Variants in AZU1 observed in about 807,000 individuals in gnomAD.
AZU1 encodes azurocidin.
A neutral mutation model predicts 17.8 loss-of-function variants in AZU1; 21 were observed. The observed-to-expected ratio is 1.18, with a 90% CI of 0.84 to 1.70. The LOEUF is 1.70. AZU1 is among the 40% of genes most tolerant of loss of function. The probability of loss-of-function intolerance (pLI) is 0.00; values close to 1 mark genes in which losing one functional copy is unlikely to be tolerated. For synonymous variants in AZU1, 178 were observed against 155.2 expected (o/e 1.15, Z -1.09); for missense variants, 379 against 362.9 (o/e 1.04, Z -0.36).
rs745685036 is a variant in AZU1 at position 829,929 on chromosome 19, AAT to A, written c.360+230_360+231del. ...CATGGCCAAACTCAGTCTCTACAAA[AAT>A]ATATATGTGTGTGTGTGTGTGTGTG... is the stretch of plus-strand genomic sequence containing the variant. On this transcript the variant is annotated intron_variant, in intron 3 of 4. Transcript: ENST00000233997. Among the ~76,000 whole-genome samples the A allele has an allele frequency of 4.3e-3, 567 of 133,244 alleles. 4 individuals are homozygous for A. The highest frequency in any genetic ancestry group is 0.014 in the African/African-American group (465 of 32,552). The allele number at this position is 133,244 out of a possible 152,430, so 87.4% of individuals were successfully genotyped here.
chr19:830,724 A>C lies in AZU1; in HGVS notation c.377A>C (p.Asn126Thr), dbSNP rs151205721. 11 of 1,576,780 alleles carry C rather than the reference A, an allele frequency of 7.0e-6. No individual in the cohort carries two copies. Among genetic ancestry groups the C allele is most frequent in the Non-Finnish European group, 9.4e-6 (11 of 1,165,268 alleles). Residue 126 changes from asparagine to threonine, a missense_variant, in exon 4 of 5, where the codon AAC becomes ACC. Transcript: ENST00000233997. ...LMLLQLDREA[N>T]LTSSVTILPL... is the part of the protein sequence containing the mutation. ...CTTCCCCAGCTGGACCGTGAGGCCA[A>C]CCTCACCAGCAGCGTGACGATACTG...
At chr19:828,197 TGG>T (rs766144640) in intron 1 of AZU1, 31 bp from the exon 2 acceptor site, 1 of 1,564,730 alleles carries the variant, frequency 6.4e-7, no homozygotes, top group Non-Finnish European at 8.6e-7. Flanking sequence ...TGTGGATTCT[TGG>T]GGATCTCAGA....
chr19:831,853 C>A lies in AZU1; in HGVS notation c.732C>A (p.Asn244Lys). 6.2e-7 allele frequency: 1 copy of A among 1,612,540 alleles called. No homozygotes were observed. Among genetic ancestry groups the A allele is most frequent in the East Asian group, 2.2e-5 (1 of 44,862 alleles). ...LFRDWIDGVL[N>K]NPGPGPA Reference sequence around the variant, plus strand: ...GAGACTGGATCGATGGTGTTCTCAACAACCCGGGACCGGGGCCAGCCTAGG... The same window carrying A: ...GAGACTGGATCGATGGTGTTCTCAAAAACCCGGGACCGGGGCCAGCCTAGG... Residue 244 changes from asparagine (N) to lysine (K), a missense_variant, in exon 5 of 5, where the codon AAC becomes AAA. Coordinates refer to ENST00000233997, the MANE Select transcript of AZU1 (RefSeq NM_001700.5).
intron 4 of AZU1, chr19:831,222 A>C (rs924742401): frequency 2.3e-6 from 1 of 440,248 alleles, no homozygotes; most frequent in African/African-American, 2.0e-5. Flanking sequence ...CTGGGATTAC[A>C]GGCATGCGCC....
intron 4 of AZU1, chr19:831,478 T>A: frequency 1.9e-6 from 1 of 531,646 alleles, no homozygotes; most frequent in Non-Finnish European, 3.3e-6. Flanking sequence ...GACTCAGGCG[T>A]GTGATTGCCA....
At chr19:828,479 G>A (rs1599270363) in intron 2 of AZU1, 93 bp downstream of exon 2, 2 of 1,272,278 alleles carry the variant, frequency 1.6e-6, no homozygotes, top group East Asian at 2.8e-5. Flanking sequence ...CTTGGTAGGT[G>A]AGGAGGGGAG....
intron 4 of AZU1, 38 bp downstream of exon 4, chr19:830,979 G>A (rs749238516): frequency 1.9e-6 from 3 of 1,577,044 alleles, no homozygotes; most frequent in Non-Finnish European, 1.7e-6. Flanking sequence ...GGTCCTGAGA[G>A]GTACTGAGCT....
chr19:828,416 G>GTA (rs757611252), intron 2 of AZU1, 30 bp downstream of exon 2: 8 of 1,519,718 alleles, frequency 5.3e-6, no homozygotes, highest in Non-Finnish European at 7.1e-6. Flanking sequence ...GGGCCTAGGG[G>GTA]GCATTGGGGC....
rs2035237027 is a variant in AZU1 at position 828,111 on chromosome 19, G to A, written c.59-119G>A. 1.6e-5 allele frequency: 21 copies of A among 1,338,452 alleles called. No homozygotes were observed. The South Asian group carries it at 2.8e-4, about 18-fold the overall frequency. The allele number at this position is 1,338,452 out of a possible 1,614,324, so 82.9% of individuals were successfully genotyped here. A position where few individuals can be genotyped will look rare whatever the true frequency, so the allele number is the denominator to read the frequency against. On this transcript the variant is annotated intron_variant, in intron 1 of 4. Coordinates refer to ENST00000233997, the MANE Select transcript of AZU1 (RefSeq NM_001700.5). ...TCCTCTTAGGGAGTGGGACGATGGG[G>A]GAGGGTGGGTCCCCCCGCAGCCCCA...
rs761977605 is a variant in AZU1 at position 829,627 on chromosome 19, G to A, written c.281G>A (p.Arg94His). The change falls in exon 3 of 5, where the codon CGC becomes CAC. Residue 94 changes from arginine (R) to histidine (H), a missense_variant. Physicochemically the swap from Arg to His is conservative, Grantham distance 29. Coordinates refer to ENST00000233997, the MANE Select transcript of AZU1 (RefSeq NM_001700.5). Reference sequence around the variant, plus strand: ...CTGAGGCGGCGGGAGAGGCAGTCCCGCCAGACGTTTTCCATCAGCAGCATG... The same window carrying A: ...CTGAGGCGGCGGGAGAGGCAGTCCCACCAGACGTTTTCCATCAGCAGCATG... The part of the protein sequence containing the change: ...YDLRRRERQS[R>H]QTFSISSMSE... The A allele has an allele frequency of 7.4e-6, 12 of 1,613,174 alleles. No homozygotes were observed. Among genetic ancestry groups the A allele is most frequent in the East Asian group, 4.5e-5 (2 of 44,886 alleles).
chr19:830,851 G>T lies in AZU1; in HGVS notation c.504G>T (p.Arg168Ser). 2 of 1,608,512 alleles carry T rather than the reference G, an allele frequency of 1.2e-6. No homozygotes were observed. Among genetic ancestry groups the T allele is most frequent in the Non-Finnish European group, 8.5e-7 (1 of 1,179,968 alleles). ...RSGGRLSRFPRFVNVTVTPED... is the reference protein window; with the variant it reads ...RSGGRLSRFPSFVNVTVTPED... ...GGGGGCGTCTCTCCCGTTTTCCCAG[G>T]TTTGTCAACGTGACTGTGACCCCCG... The change falls in exon 4 of 5, where the codon AGG becomes AGT. Residue 168 changes from arginine to serine, a missense_variant. Coordinates refer to ENST00000233997, the MANE Select transcript of AZU1 (RefSeq NM_001700.5).
Position 828,325 on chromosome 19 carries a change from T to A in AZU1, c.154T>A (p.Cys52Ser). The change falls in exon 2 of 5, where the codon TGC becomes AGC. Residue 52 changes from cysteine to serine, a missense_variant. By Grantham distance (112) the Cys-to-Ser change is moderately radical. Transcript: ENST00000233997. ...ASIQNQGRHF[C>S]GGALIHARFV... The stretch of plus-strand genomic sequence containing the variant: ...CATTCAGAATCAAGGCAGGCACTTC[T>A]GCGGGGGTGCCCTGATCCATGCCCG... The A allele has an allele frequency of 6.2e-6, 10 of 1,610,780 alleles. No individual in the cohort carries two copies. The highest frequency in any genetic ancestry group is 8.5e-6 in the Non-Finnish European group (10 of 1,179,096).
rs59995493 is a variant in AZU1 at position 829,936 on chromosome 19, A to ATGTGTGTGTGTGTGTG, written c.360+254_360+269dup. On this transcript the variant is annotated intron_variant, in intron 3 of 4. Coordinates refer to ENST00000233997, the MANE Select transcript of AZU1 (RefSeq NM_001700.5). ...AAACTCAGTCTCTACAAAAATATATATGTGTGTGTGTGTGTGTGTGTGTGT... is the reference window on the plus strand; with the variant it reads ...AAACTCAGTCTCTACAAAAATATATATGTGTGTGTGTGTGTGTGTGTGTGTGTGTGTGTGTGTGTGT... 2.5e-3 allele frequency among the ~76,000 whole-genome samples: 343 copies of ATGTGTGTGTGTGTGTG among 137,860 alleles called. 3 individuals are homozygous for ATGTGTGTGTGTGTGTG. Among genetic ancestry groups the ATGTGTGTGTGTGTGTG allele is most frequent in the Non-Finnish European group, 3.3e-3 (214 of 64,626 alleles). The allele number at this position is 137,860 out of a possible 152,430, so 90.4% of individuals were successfully genotyped here.
At chr19:828,842 A>G (rs1599270659) in intron 2 of AZU1, among the ~76,000 whole-genome samples, 1 of 125,012 alleles carries the variant, frequency 8.0e-6, no homozygotes, top group African/African-American at 3.1e-5. Context: ...CAGAGAAGGG[A>G]AGGGGCTCAG....
Position 831,776 on chromosome 19 carries a change from C to A in AZU1, c.655C>A (p.Leu219Met), listed in dbSNP as rs149335820. The change falls in exon 5 of 5, where the codon CTG becomes ATG. Residue 219 changes from leucine to methionine, a missense_variant. Transcript: ENST00000233997. ...GGCCCACGGCGTGGCCTCCTTTTCC[C>A]TGGGGCCCTGTGGCCGAGGCCCTGA... ...GLAHGVASFS[L>M]GPCGRGPDFF... 5.4e-5 allele frequency: 87 copies of A among 1,612,656 alleles called. No individual in the cohort carries two copies. The African/African-American group carries it at 1.1e-3, about 20-fold the overall frequency.
At chr19:831,463 T>C (rs1048098339) in intron 4 of AZU1, 7 of 509,632 alleles carry the variant, frequency 1.4e-5, no homozygotes, top group East Asian at 3.1e-5. Context: ...AGCCGGTCAC[T>C]GAGGGACTCA....
chr19:828,459 A>G (rs1599270340), intron 2 of AZU1, 73 bp downstream of exon 2: 5 of 960,774 alleles, frequency 5.2e-6, no homozygotes, highest in South Asian at 5.6e-5. Context: ...TTAGGCATTC[A>G]GTGGGGGTGC....
intron 4 of AZU1, chr19:831,378 G>A (rs1430196432): frequency 5.6e-6 from 2 of 359,986 alleles, no homozygotes; most frequent in East Asian, 4.9e-5. Flanking sequence ...GTGCCTGGCT[G>A]AGAAACAGTA....
At chr19:830,343 C>T (rs1412641006) in intron 3 of AZU1, among the ~76,000 whole-genome samples, 4 of 152,126 alleles carry the variant, frequency 2.6e-5, no homozygotes, top group South Asian at 2.1e-4. Flanking sequence ...TGGAGACTGA[C>T]GTCGTTTTCA....
Sources: gnomAD v4.1 joint callset for allele counts (sites outside exome capture counted in the v4.1 genomes callset) on GRCh38, gnomAD v4.1.1 for gene constraint, MANE v1.5 for transcripts, NCBI Gene and HGNC (gene_info 2026-07-23, HGNC 2026-07-21) for gene names.